CFAP95: variants seen among roughly 807,000 people sequenced by gnomAD.
The protein encoded by CFAP95 is cilia- and flagella-associated protein 95.
chr9:69,885,812 A>G, the CFAP95 span, among the ~76,000 whole-genome samples: 3 of 152,170 alleles, frequency 2.0e-5, no homozygotes, highest in Non-Finnish European at 4.4e-5. Context: ...AATCCTTGGA[A>G]TGCAGAGCTC....
At chr9:69,859,695 T>G in the CFAP95 span, among the ~76,000 whole-genome samples, 2 of 152,218 alleles carry the variant, frequency 1.3e-5, no homozygotes, top group Non-Finnish European at 2.9e-5. Flanking sequence ...ATGTCGGGGA[T>G]ATGTTCCGAG....
chr9:69,841,164 TTATATATATATATATATA>T, the CFAP95 span, among the ~76,000 whole-genome samples: 8 of 56,076 alleles, frequency 1.4e-4, no homozygotes, highest in Admixed American at 7.1e-4. Context: ...CCAAGCTGGA[TTATATATATATATATATA>T]TATATATATA....
chr9:69,868,233 A>G, the CFAP95 span, among the ~76,000 whole-genome samples: 1 of 151,920 alleles, frequency 6.6e-6, no homozygotes, highest in East Asian at 1.9e-4. Context: ...AGAATAAAAC[A>G]TAGAGGAAAA....
chr9:69,830,638 AT>A, the CFAP95 span, among the ~76,000 whole-genome samples: 3 of 152,098 alleles, frequency 2.0e-5, no homozygotes, highest in African/African-American at 7.2e-5. Context: ...TTATGAATAA[AT>A]TTGAGTACTC....
At chr9:69,849,324 A>G in the CFAP95 span, among the ~76,000 whole-genome samples, 3 of 151,798 alleles carry the variant, frequency 2.0e-5, no homozygotes, top group Non-Finnish European at 4.4e-5. Context: ...TAAGGGAGGG[A>G]GGAAGGGATG....
At chr9:69,888,607 G>A in the CFAP95 span, among the ~76,000 whole-genome samples, 5 of 152,190 alleles carry the variant, frequency 3.3e-5, no homozygotes, top group African/African-American at 1.2e-4. Flanking sequence ...TAGGCAGGGT[G>A]GCTCAGGCCT....
the CFAP95 span, among the ~76,000 whole-genome samples, chr9:69,865,987 T>C: frequency 6.6e-6 from 1 of 152,258 alleles, no homozygotes; most frequent in African/African-American, 2.4e-5. Context: ...AAATAACATG[T>C]CCAAACTCTC....
the CFAP95 span, among the ~76,000 whole-genome samples, chr9:69,854,299 T>A: frequency 6.6e-6 from 1 of 152,344 alleles, no homozygotes; most frequent in South Asian, 2.1e-4. Flanking sequence ...GTGAAGATAT[T>A]TAGAACAGTT....
the CFAP95 span, among the ~76,000 whole-genome samples, chr9:69,866,155 G>T: frequency 6.6e-6 from 1 of 152,160 alleles, no homozygotes; most frequent in African/African-American, 2.4e-5. Flanking sequence ...TTGTAAACAT[G>T]GAGAGAATAA....
chr9:69,881,547 T>C, the CFAP95 span, among the ~76,000 whole-genome samples: 4 of 152,236 alleles, frequency 2.6e-5, no homozygotes, highest in Non-Finnish European at 5.9e-5. Context: ...GCTAATACCA[T>C]GCTGTTTTGG....
the CFAP95 span, among the ~76,000 whole-genome samples, chr9:69,892,815 AAAG>A: frequency 2.0e-5 from 3 of 152,182 alleles, no homozygotes; most frequent in African/African-American, 7.2e-5. Context: ...AGAGGACCTC[AAAG>A]AAGACTTCAG....
At chr9:69,870,060 C>T in the CFAP95 span, among the ~76,000 whole-genome samples, 1 of 152,110 alleles carries the variant, frequency 6.6e-6, no homozygotes, top group East Asian at 1.9e-4. Context: ...TAATTTGATT[C>T]TGTATTTGAC....
the CFAP95 span, among the ~76,000 whole-genome samples, chr9:69,891,972 G>C: frequency 1.3e-5 from 2 of 152,082 alleles, no homozygotes; most frequent in African/African-American, 4.8e-5. Flanking sequence ...CAGTTTCTTT[G>C]CTCTGAGGTG....
the CFAP95 span, among the ~76,000 whole-genome samples, chr9:69,886,681 T>A: frequency 3.3e-5 from 5 of 152,168 alleles, no homozygotes; most frequent in African/African-American, 1.2e-4. Context: ...TGGGCAATAC[T>A]ATATACAGAG....
the CFAP95 span, among the ~76,000 whole-genome samples, chr9:69,868,072 C>A: frequency 6.6e-6 from 1 of 152,206 alleles, no homozygotes; most frequent in African/African-American, 2.4e-5. Flanking sequence ...TGATATTAAG[C>A]CTATAGGTAT....
the CFAP95 span, chr9:69,884,557 C>G: frequency 2.0e-5 from 3 of 152,090 alleles, no homozygotes; most frequent in Non-Finnish European, 4.4e-5. Flanking sequence ...CATAGGCATA[C>G]AGCACTATAG....
chr9:69,888,035 G>A, the CFAP95 span, among the ~76,000 whole-genome samples: 3 of 152,164 alleles, frequency 2.0e-5, no homozygotes, highest in African/African-American at 4.8e-5. Context: ...CATGACTGAG[G>A]CAGATATCTC....
the CFAP95 span, among the ~76,000 whole-genome samples, chr9:69,882,003 G>A: frequency 2.3e-5 from 2 of 85,566 alleles, no homozygotes; most frequent in Non-Finnish European, 5.0e-5. Context: ...TTTTTTTTTT[G>A]AGACCGTCTT....
the CFAP95 span, chr9:69,858,071 G>T: frequency 8.4e-7 from 1 of 1,193,178 alleles, no homozygotes; most frequent in Non-Finnish European, 1.2e-6. Flanking sequence ...GTGAGCCAAG[G>T]TCAACAAAAT....
Sources: allele counts gnomAD v4.1 joint callset (sites outside exome capture counted in the v4.1 genomes callset), GRCh38; gene constraint gnomAD v4.1.1; transcripts MANE v1.5; gene names NCBI Gene and HGNC (gene_info 2026-07-23, HGNC 2026-07-21).